The following TNKS variants were observed in gnomAD, a reference collection of about 807,000 sequenced individuals.
TNKS encodes the protein tankyrase.
Under a neutral mutation model 135.8 loss-of-function variants are expected in TNKS, and 72 were observed. The observed-to-expected ratio is 0.53, with a 90% confidence interval of 0.44 to 0.64. TNKS has a LOEUF of 0.64. Ranked by LOEUF, TNKS falls within the 30% of genes least tolerant of loss-of-function variation. The probability of loss-of-function intolerance (pLI) is 0.00; values close to 1 mark genes in which losing one functional copy is unlikely to be tolerated. For missense variants in TNKS, 1,769 were observed against 1,674.0 expected, an observed-to-expected ratio of 1.06 and a Z score of -0.99; for synonymous variants, 849 against 649.3, an observed-to-expected ratio of 1.31 and a Z score of -4.68.
At position 9,653,465 on chromosome 8, in the gene TNKS, A is replaced by G. The variant is rs548987177; in HGVS notation, c.995-26486A>G. ...AGGAGGTCCAAGATTGGGCAGCTGC[A>G]TTTGATCAGCTTCTGGTGAGGGCCT... On this transcript the variant is annotated intron_variant, in intron 3 of 26. Coordinates refer to ENST00000310430, the MANE Select transcript of TNKS (RefSeq NM_003747.3). 7.2e-5 allele frequency among the ~76,000 whole-genome samples: 11 copies of G among 152,044 alleles called. No individual in the cohort carries two copies. In the East Asian group the frequency reaches 1.9e-3, roughly 27 times the overall value.
At chr8:9,656,142 A>G (rs1371929474) in intron 3 of TNKS, among the ~76,000 whole-genome samples, 1 of 152,234 alleles carries the variant, frequency 6.6e-6, no homozygotes, top group Non-Finnish European at 1.5e-5. Context: ...AAAGAGTATC[A>G]GCGATGGAAG....
chr8:9,748,002 G>C, intron 17 of TNKS, 22 bp from the exon 18 acceptor site: 1 of 1,590,614 alleles, frequency 6.3e-7, no homozygotes, highest in South Asian at 1.1e-5. Context: ...TTAACTCTTT[G>C]TATCCTTTTC....
At chr8:9,677,526 T>C (rs1802597530) in intron 3 of TNKS, among the ~76,000 whole-genome samples, 1 of 152,150 alleles carries the variant, frequency 6.6e-6, no homozygotes, top group African/African-American at 2.4e-5. Flanking sequence ...GTTCACAGTT[T>C]TAATGTGTTT....
chr8:9,678,660 G>T (rs1802646678), intron 3 of TNKS, among the ~76,000 whole-genome samples: 1 of 152,080 alleles, frequency 6.6e-6, no homozygotes, highest in Non-Finnish European at 1.5e-5. Flanking sequence ...GCTAATAATG[G>T]GTTATAGCAT....
chr8:9,612,829 G>A (rs1473105419), intron 2 of TNKS, among the ~76,000 whole-genome samples: 2 of 140,362 alleles, frequency 1.4e-5, no homozygotes, highest in Admixed American at 6.9e-5. Flanking sequence ...AAGCCTTTTC[G>A]ATAACATAAA....
At position 9,600,010 on chromosome 8, in the gene TNKS, T is replaced by A. The variant is rs1469625020; in HGVS notation, c.899-15572T>A. Among the ~76,000 whole-genome samples the A allele has an allele frequency of 2.0e-5, 3 of 151,634 alleles. No individual in the cohort carries two copies. In the East Asian group the frequency reaches 5.8e-4, roughly 29 times the overall value. Reference sequence around the variant, plus strand: ...ATGGATGAATTTTTGAGTGGGTAATTAAATATTTTTTAATATCTCTAAAAA... The same window carrying A: ...ATGGATGAATTTTTGAGTGGGTAATAAAATATTTTTTAATATCTCTAAAAA... On this transcript the variant is annotated intron_variant, in intron 2 of 26. Coordinates refer to ENST00000310430, the MANE Select transcript of TNKS (RefSeq NM_003747.3).
chr8:9,687,779 G>A (rs1008557691), intron 5 of TNKS, among the ~76,000 whole-genome samples: 5 of 152,276 alleles, frequency 3.3e-5, no homozygotes, highest in South Asian at 2.1e-4. Context: ...TCAAGGGACC[G>A]GAAGGGAGTT....
intron 3 of TNKS, among the ~76,000 whole-genome samples, chr8:9,649,828 A>G (rs547350038): frequency 6.8e-6 from 1 of 147,938 alleles, no homozygotes; most frequent in South Asian, 2.2e-4. Flanking sequence ...GCTGAGTACT[A>G]GTATTCCATG....
chr8:9,588,558 G>C lies in TNKS; in HGVS notation c.898+8175G>C, dbSNP rs1383602436. Among the ~76,000 whole-genome samples, 3 of 152,208 alleles carry C rather than the reference G, an allele frequency of 2.0e-5. No homozygotes were observed. The East Asian group carries it at 5.8e-4, about 29-fold the overall frequency. On this transcript the variant is annotated intron_variant, in intron 2 of 26. Coordinates refer to ENST00000310430, the MANE Select transcript of TNKS (RefSeq NM_003747.3). The stretch of plus-strand genomic sequence containing the variant: ...TCCAAAGTGCTGGGATTATAGGCGT[G>C]AGCTGCCGCGCCCGGCCCCAAATTG...
At chr8:9,701,448 C>G (rs1034975471) in intron 5 of TNKS, among the ~76,000 whole-genome samples, 1 of 152,146 alleles carries the variant, frequency 6.6e-6, no homozygotes, top group Non-Finnish European at 1.5e-5. Flanking sequence ...ATGTGCTATA[C>G]TAGCTTGCTG....
At chr8:9,766,828 A>C (rs1807478294) in intron 25 of TNKS, among the ~76,000 whole-genome samples, 1 of 152,164 alleles carries the variant, frequency 6.6e-6, no homozygotes. Flanking sequence ...GATTATCCTC[A>C]GTCTTGCATC....
intron 18 of TNKS, among the ~76,000 whole-genome samples, chr8:9,750,242 T>A (rs886315119): frequency 6.6e-6 from 1 of 152,218 alleles, no homozygotes; most frequent in African/African-American, 2.4e-5. Flanking sequence ...GGATTTGACC[T>A]TTGGCCTGAG....
rs1808317435 is a variant in TNKS at position 9,778,294 on chromosome 8, A to C, written c.*1558A>C. ...ATAAACACGAGGAGGAATAGGAAAGACAGTGTGACACAAACTTGCCATTGC... is the reference window on the plus strand; with the variant it reads ...ATAAACACGAGGAGGAATAGGAAAGCCAGTGTGACACAAACTTGCCATTGC... On this transcript the variant is annotated 3_prime_UTR_variant, in exon 27 of 27. Coordinates refer to ENST00000310430, the MANE Select transcript of TNKS (RefSeq NM_003747.3). 1 of 152,340 alleles carries C rather than the reference A, an allele frequency of 6.6e-6. No homozygotes were observed. The highest frequency in any genetic ancestry group is 1.5e-5 in the Non-Finnish European group (1 of 68,046). The allele number at this position is 152,340 out of a possible 1,614,324, so 9.4% of individuals were successfully genotyped here.
intron 26 of TNKS, among the ~76,000 whole-genome samples, 167 bp downstream of exon 26, chr8:9,770,429 A>T (rs1411407841): frequency 6.6e-6 from 1 of 152,276 alleles, no homozygotes; most frequent in East Asian, 1.9e-4. Flanking sequence ...CTTTGACATC[A>T]ACTTTTTACC....
intron 22 of TNKS, among the ~76,000 whole-genome samples, chr8:9,763,568 T>A (rs1807262743): frequency 6.6e-6 from 1 of 152,216 alleles, no homozygotes; most frequent in Non-Finnish European, 1.5e-5. Context: ...TGACATAGAA[T>A]GAAAAACTCT....
At chr8:9,627,595 T>C (rs1445641860) in intron 3 of TNKS, among the ~76,000 whole-genome samples, 1 of 147,994 alleles carries the variant, frequency 6.8e-6, no homozygotes, top group African/African-American at 2.5e-5. Context: ...TTGCTTGGTG[T>C]TTGGGGAAAA....
chr8:9,607,787 G>T (rs964440166), intron 2 of TNKS, among the ~76,000 whole-genome samples: 3 of 152,118 alleles, frequency 2.0e-5, no homozygotes, highest in African/African-American at 7.2e-5. Context: ...ATATTTTAAA[G>T]AAATCTAATG....
intron 6 of TNKS, 63 bp from the exon 7 acceptor site, chr8:9,706,124 G>A: frequency 8.6e-7 from 1 of 1,168,898 alleles, no homozygotes; most frequent in Non-Finnish European, 1.2e-6. Context: ...TTATTTCTTA[G>A]TACGACATGG....
intron 3 of TNKS, among the ~76,000 whole-genome samples, chr8:9,626,955 C>G (rs1408409651): frequency 6.6e-6 from 1 of 152,164 alleles, no homozygotes; most frequent in Non-Finnish European, 1.5e-5. Context: ...CTGGCAGTCT[C>G]CAGGTAGCTT....
Sources: gnomAD v4.1 joint callset for allele counts (sites outside exome capture counted in the v4.1 genomes callset) on GRCh38, gnomAD v4.1.1 for gene constraint, MANE v1.5 for transcripts, NCBI Gene and HGNC (gene_info 2026-07-23, HGNC 2026-07-21) for gene names.